ERC2: variants seen among roughly 807,000 people sequenced by gnomAD.
ERC2 encodes the protein ERC protein 2.
ERC2 carries 42 observed loss-of-function variants against 114.8 expected under a neutral mutation model. That is an observed-to-expected ratio of 0.37 (90% confidence interval 0.29 to 0.47). The LOEUF (loss-of-function observed/expected upper bound fraction) is 0.47. Among genes scored for constraint, ERC2 ranks in the 20% least tolerant of loss-of-function variants. ERC2 has a pLI of 0.99. For synonymous variants in ERC2, 454 were observed against 425.5 expected (o/e 1.07, Z -0.82); for missense variants, 939 against 1,150.7 (o/e 0.82, Z 2.66).
At chr3:55,862,366 A>G (rs2062068371) in intron 14 of ERC2, among the ~76,000 whole-genome samples, 1 of 152,100 alleles carries the variant, frequency 6.6e-6, no homozygotes, top group South Asian at 2.1e-4. Flanking sequence ...CTTCCTAAAT[A>G]TGGAAAGATG....
chr3:56,310,444 A>G (rs1291125618), intron 2 of ERC2, among the ~76,000 whole-genome samples: 22 of 152,126 alleles, frequency 1.4e-4, no homozygotes, highest in Admixed American at 1.4e-3. Flanking sequence ...ACCCTCCAAC[A>G]TGTTCATTTA....
At chr3:56,032,420 T>C (rs1369669512) in intron 7 of ERC2, among the ~76,000 whole-genome samples, 2 of 152,040 alleles carry the variant, frequency 1.3e-5, no homozygotes, top group African/African-American at 4.8e-5. Context: ...AGCAAAGCAA[T>C]ATATGCATTA....
intron 14 of ERC2, among the ~76,000 whole-genome samples, chr3:55,808,976 G>T (rs2059610238): frequency 6.6e-6 from 1 of 151,268 alleles, no homozygotes; most frequent in South Asian, 2.1e-4. Context: ...TAAGAAAAAT[G>T]GTATGAACAA....
At chr3:55,560,425 G>A (rs1201738100) in intron 17 of ERC2, among the ~76,000 whole-genome samples, 3 of 152,122 alleles carry the variant, frequency 2.0e-5, no homozygotes, top group African/African-American at 7.2e-5. Context: ...ATGCACCTTG[G>A]TCTCCTGGAG....
At position 56,041,995 on chromosome 3, in the gene ERC2, T is replaced by A. The variant is rs1342415968; in HGVS notation, c.1642-22964A>T. The stretch of plus-strand genomic sequence containing the variant: ...TGATTTAAAGTGAAAAGAAGCAAAG[T>A]AACTTGATTAAGGTGACCCAGCAAA... On this transcript the variant is annotated intron_variant, in intron 7 of 17. Transcript: ENST00000288221. Among the ~76,000 whole-genome samples, 3 of 152,158 alleles carry A rather than the reference T, an allele frequency of 2.0e-5. No individual in the cohort carries two copies. In the East Asian group the frequency reaches 5.8e-4, roughly 29 times the overall value.
intron 14 of ERC2, among the ~76,000 whole-genome samples, chr3:55,775,754 C>G (rs2068559414): frequency 6.6e-6 from 1 of 152,096 alleles, no homozygotes; most frequent in Non-Finnish European, 1.5e-5. Context: ...AAAATACTTT[C>G]CCTTCCTAAT....
chr3:56,439,734 C>T (rs762327167), intron 1 of ERC2, among the ~76,000 whole-genome samples: 4 of 151,670 alleles, frequency 2.6e-5, no homozygotes, highest in Admixed American at 6.6e-5. Context: ...AATAAAATTT[C>T]TACTTCCTTT....
At chr3:56,378,153 A>G (rs2059615791) in intron 2 of ERC2, among the ~76,000 whole-genome samples, 1 of 151,120 alleles carries the variant, frequency 6.6e-6, no homozygotes. Flanking sequence ...TCACAATAGC[A>G]AAGACTTGGA....
chr3:55,734,848 T>C lies in ERC2; in HGVS notation c.2635A>G (p.Lys879Glu), dbSNP rs199670674. 1.7e-5 allele frequency: 28 copies of C among 1,612,954 alleles called. No individual in the cohort carries two copies. Among genetic ancestry groups the C allele is most frequent in the Non-Finnish European group, 2.3e-5 (27 of 1,179,458 alleles). ...NIALLELSAS[K>E]KKKTQEEVMA... ...ACTTCTTCCTGCGTCTTTTTCTTTT[T>C]GGAGGCAGACAATTCCAGCAAGGCA... The change falls in exon 15 of 18, where the codon AAA (lysine) becomes GAA (glutamate). Residue 879 changes from lysine to glutamate, a missense_variant. By Grantham distance (56) the Lys-to-Glu change is moderately conservative. Around this residue, in one of 5 missense-constraint regions of ERC2, gnomAD observed 328 missense variants for 353.9 expected, o/e 0.93. Coordinates refer to ENST00000288221, the MANE Select transcript of ERC2 (RefSeq NM_015576.3).
chr3:56,323,092 ACT>A (rs2057201360), intron 2 of ERC2, among the ~76,000 whole-genome samples: 2 of 152,096 alleles, frequency 1.3e-5, no homozygotes, highest in Admixed American at 1.3e-4. Context: ...GCAGCATGAG[ACT>A]CTCACCAGGT....
intron 2 of ERC2, among the ~76,000 whole-genome samples, chr3:56,400,131 T>C (rs971462878): frequency 5.9e-5 from 9 of 152,122 alleles, no homozygotes; most frequent in African/African-American, 2.2e-4. Context: ...GTGATAACAG[T>C]ATTATATTTA....
intron 17 of ERC2, among the ~76,000 whole-genome samples, chr3:55,630,875 A>G (rs1331891004): frequency 1.3e-5 from 2 of 152,204 alleles, no homozygotes; most frequent in Non-Finnish European, 2.9e-5. Flanking sequence ...TGATCTAGAT[A>G]ACACTGGAGA....
chr3:55,972,834 G>C (rs898705984), intron 12 of ERC2, among the ~76,000 whole-genome samples: 15 of 152,104 alleles, frequency 9.9e-5, no homozygotes, highest in Admixed American at 9.8e-4. Context: ...GATGTATAGA[G>C]GTTTGCAGGT....
At chr3:55,698,435 A>G (rs190578369) in intron 16 of ERC2, among the ~76,000 whole-genome samples, 1 of 152,248 alleles carries the variant, frequency 6.6e-6, no homozygotes, top group African/African-American at 2.4e-5. Context: ...GCCACGTGAA[A>G]AGTTTTCGGA....
At chr3:56,193,947 A>C (rs2047943366) in intron 3 of ERC2, among the ~76,000 whole-genome samples, 1 of 152,212 alleles carries the variant, frequency 6.6e-6, no homozygotes, top group South Asian at 2.1e-4. Context: ...TGAGTTAGAC[A>C]GGGCTACCAA....
chr3:56,024,068 A>C (rs2073899004), intron 7 of ERC2, among the ~76,000 whole-genome samples: 1 of 152,212 alleles, frequency 6.6e-6, no homozygotes, highest in Non-Finnish European at 1.5e-5. Flanking sequence ...TCTTCTCTCT[A>C]AGATTTGTCT....
At chr3:56,298,827 A>G (rs1244835479) in intron 2 of ERC2, among the ~76,000 whole-genome samples, 1 of 152,188 alleles carries the variant, frequency 6.6e-6, no homozygotes, top group Non-Finnish European at 1.5e-5. Context: ...CGAATTTCAC[A>G]CTGTAAATGA....
At chr3:56,046,447 A>C (rs1477592239) in intron 7 of ERC2, among the ~76,000 whole-genome samples, 1 of 152,182 alleles carries the variant, frequency 6.6e-6, no homozygotes, top group South Asian at 2.1e-4. Flanking sequence ...GGCATCTTTC[A>C]TGAGAAAGCA....
chr3:56,285,032 TACACACACA>T, intron 3 of ERC2, among the ~76,000 whole-genome samples: 1 of 106,782 alleles, frequency 9.4e-6, no homozygotes, highest in Non-Finnish European at 1.9e-5. Context: ...CACACACACA[TACACACACA>T]CACACACACA....
Sources: gnomAD v4.1 joint callset for allele counts (sites outside exome capture counted in the v4.1 genomes callset) on GRCh38, gnomAD v4.1.1 for gene constraint, gnomAD v4.1.1 regional missense constraint, MANE v1.5 for transcripts, NCBI Gene and HGNC (gene_info 2026-07-23, HGNC 2026-07-21) for gene names.